TTC39C: variants seen among roughly 807,000 people sequenced by gnomAD.
TTC39C encodes tetratricopeptide repeat domain 39C.
TTC39C carries 33 observed loss-of-function variants against 76.3 expected under a neutral mutation model. That is an observed-to-expected ratio of 0.43 (90% CI 0.33 to 0.58). The LOEUF (loss-of-function observed/expected upper bound fraction) is 0.58, where lower values mean the gene tolerates loss of function less well. TTC39C is among the 20% of genes least tolerant of loss of function. The pLI is 0.04. For missense variants in TTC39C, 595 were observed against 701.4 expected (o/e 0.85, Z 1.71); for synonymous variants, 254 against 260.6 (o/e 0.97, Z 0.24).
intron 6 of TTC39C, among the ~76,000 whole-genome samples, chr18:24,104,940 CG>C (rs1258106632): frequency 6.6e-6 from 1 of 151,632 alleles, no homozygotes; most frequent in African/African-American, 2.4e-5. Flanking sequence ...ACTTTCTAAA[CG>C]TAACTCTAAA....
At chr18:24,034,683 T>G (rs1438196236) in intron 1 of TTC39C, among the ~76,000 whole-genome samples, 1 of 152,226 alleles carries the variant, frequency 6.6e-6, no homozygotes, top group Admixed American at 6.5e-5. Flanking sequence ...TTTCTGTCTC[T>G]ATGAGTTTGT....
chr18:24,036,585 G>GT (rs1319400326), intron 1 of TTC39C, among the ~76,000 whole-genome samples: 1 of 152,106 alleles, frequency 6.6e-6, no homozygotes, highest in Non-Finnish European at 1.5e-5. Flanking sequence ...TGCTGAATTT[G>GT]TTTCTTTTAA....
rs2085165111 is a variant in TTC39C, at chr18:24,133,907, A to G, written c.*1333A>G. 2.0e-5 allele frequency: 3 copies of G among 152,234 alleles called. No individual in the cohort carries two copies. Among genetic ancestry groups the G allele is most frequent in the Non-Finnish European group, 4.4e-5 (3 of 68,046 alleles). The allele number at this position is 152,234 out of a possible 1,614,324, so 9.4% of individuals were successfully genotyped here. ...TCTTTTGGCTGAAACATGATCTCATATTAATATTTTAATATTTCTTTTCAA... is the reference window on the plus strand; with the variant it reads ...TCTTTTGGCTGAAACATGATCTCATGTTAATATTTTAATATTTCTTTTCAA... On this transcript the variant is annotated 3_prime_UTR_variant, in exon 14 of 14. Coordinates refer to ENST00000317571, the MANE Select transcript of TTC39C (RefSeq NM_001135993.2).
chr18:24,112,753 C>T (rs1187150540), intron 6 of TTC39C, among the ~76,000 whole-genome samples: 3 of 152,128 alleles, frequency 2.0e-5, no homozygotes, highest in Admixed American at 6.5e-5. Context: ...AGAACTATGT[C>T]ATTAATTTAG....
chr18:24,038,164 G>A (rs2083752974), intron 1 of TTC39C, among the ~76,000 whole-genome samples: 3 of 152,086 alleles, frequency 2.0e-5, no homozygotes, highest in South Asian at 4.1e-4. Flanking sequence ...ATTAAGTGCC[G>A]ACTGTGTTTA....
chr18:24,121,717 T>C (rs1433964175), intron 8 of TTC39C, among the ~76,000 whole-genome samples: 1 of 152,204 alleles, frequency 6.6e-6, no homozygotes, highest in African/African-American at 2.4e-5. Context: ...ATTATGTGAT[T>C]GTATAAGAAT....
intron 6 of TTC39C, among the ~76,000 whole-genome samples, chr18:24,112,148 G>A (rs1198912609): frequency 6.6e-6 from 1 of 152,152 alleles, no homozygotes; most frequent in Non-Finnish European, 1.5e-5. Context: ...GGTGGCTGCT[G>A]GCCTTCCTTG....
In TTC39C at chr18:24,082,908, T is replaced by C; in HGVS notation, c.816-5T>C. 6.3e-7 allele frequency: 1 copy of C among 1,583,498 alleles called. No individual in the cohort carries two copies. Among genetic ancestry groups the C allele is most frequent in the Non-Finnish European group, 8.6e-7 (1 of 1,163,230 alleles). ...TGCTCAATGTTTCTCTCCCTCTTCC[T>C]CTAGATTAGCTCTGCTCTGGTATCA... On this transcript the variant is annotated splice_polypyrimidine_tract_variant and splice_region_variant and intron_variant, in intron 5 of 13. Coordinates refer to ENST00000317571, the MANE Select transcript of TTC39C (RefSeq NM_001135993.2).
chr18:24,073,389 C>T (rs142988420), intron 4 of TTC39C, among the ~76,000 whole-genome samples: 33 of 152,306 alleles, frequency 2.2e-4, no homozygotes, highest in Non-Finnish European at 3.8e-4. Context: ...CCCTGAATAC[C>T]CGCTGCTGCC....
chr18:24,058,904 C>G (rs2084053242), intron 1 of TTC39C, among the ~76,000 whole-genome samples: 1 of 152,086 alleles, frequency 6.6e-6, no homozygotes, highest in Non-Finnish European at 1.5e-5. Context: ...TGTTTACTGA[C>G]TTTTGGATAC....
rs377727415 is a variant in TTC39C, at chr18:24,102,413, GTCT to G, written c.985-12137_985-12135del. Among the ~76,000 whole-genome samples, 4 of 152,322 alleles carry G rather than the reference GTCT, an allele frequency of 2.6e-5. No individual in the cohort carries two copies. The East Asian group carries it at 7.7e-4, about 29-fold the overall frequency. ...GTATTTATTGGCTATGATGTGAAAG[GTCT>G]TCTGAGGATGAAACTTCCCTGCCCA... On this transcript the variant is annotated intron_variant, in intron 6 of 13. Transcript: ENST00000317571.
intron 6 of TTC39C, among the ~76,000 whole-genome samples, chr18:24,109,919 T>C (rs2084790664): frequency 6.6e-6 from 1 of 151,604 alleles, no homozygotes; most frequent in African/African-American, 2.4e-5. Flanking sequence ...GGCATGAAAA[T>C]CACTTGAACC....
Position 24,135,156 on chromosome 18 carries a change from C to G in TTC39C, c.*2582C>G, listed in dbSNP as rs1461692615. 1.3e-5 allele frequency: 2 copies of G among 152,178 alleles called. No homozygotes were observed. Among genetic ancestry groups the G allele is most frequent in the East Asian group, 3.9e-4 (2 of 5,188 alleles). 9.4% of individuals were successfully genotyped at this position (152,178 alleles called of 1,614,324 possible). On this transcript the variant is annotated 3_prime_UTR_variant, in exon 14 of 14. Transcript: ENST00000317571. Reference sequence around the variant, plus strand: ...TAGCTGGGATTACAAGTTCCTGCCACCGTGCCTGGCTAATTTTTGCAGTTT... The same window carrying G: ...TAGCTGGGATTACAAGTTCCTGCCAGCGTGCCTGGCTAATTTTTGCAGTTT...
chr18:24,099,434 T>TA (rs1479331943), intron 6 of TTC39C: 2 of 151,918 alleles, frequency 1.3e-5, no homozygotes, highest in Admixed American at 1.3e-4. Flanking sequence ...CACCTCCTAA[T>TA]ACAGTTCCAG....
chr18:24,065,772 C>T (rs1212883739), intron 2 of TTC39C, among the ~76,000 whole-genome samples: 2 of 152,170 alleles, frequency 1.3e-5, no homozygotes, highest in Non-Finnish European at 2.9e-5. Context: ...ATTTGTAGAA[C>T]AGTAATGGCA....
intron 6 of TTC39C, among the ~76,000 whole-genome samples, chr18:24,103,646 C>T (rs1414929921): frequency 6.6e-6 from 1 of 152,138 alleles, no homozygotes; most frequent in African/African-American, 2.4e-5. Context: ...CTTTCTTATA[C>T]TATATGGAGT....
intron 1 of TTC39C, among the ~76,000 whole-genome samples, chr18:24,057,183 A>G (rs2084026586): frequency 6.6e-6 from 1 of 152,166 alleles, no homozygotes. Context: ...GTCTCATTTT[A>G]TCTGTAATTA....
chr18:24,098,562 C>T (rs1599323605), intron 6 of TTC39C, among the ~76,000 whole-genome samples: 1 of 103,406 alleles, frequency 9.7e-6, no homozygotes, highest in Non-Finnish European at 1.9e-5. Context: ...CCTCTCCTCT[C>T]CTCTCCCTTT....
rs572257658 is a variant in TTC39C, at chr18:24,114,698, A to G, written c.1078+51A>G. On this transcript the variant is annotated intron_variant, in intron 7 of 13. Transcript: ENST00000317571. ...TCTTGTTAAGAAGTAGTATTAATGC[A>G]GTATTTTAGCTTTCATGCCATTCAG... 4 of 1,427,734 alleles carry G rather than the reference A, an allele frequency of 2.8e-6. No homozygotes were observed. In the African/African-American group the frequency reaches 5.6e-5, roughly 20 times the overall value. The allele number at this position is 1,427,734 out of a possible 1,614,324, so 88.4% of individuals were successfully genotyped here.
Sources: allele counts gnomAD v4.1 joint callset (sites outside exome capture counted in the v4.1 genomes callset), GRCh38; gene constraint gnomAD v4.1.1; transcripts MANE v1.5; gene names NCBI Gene and HGNC (gene_info 2026-07-23, HGNC 2026-07-21).